Variants in MIPOL1 observed in about 807,000 individuals in gnomAD.
MIPOL1 encodes the protein mirror-image polydactyly gene 1 protein.
A neutral mutation model predicts 60.9 loss-of-function variants in MIPOL1; 57 were observed. That is an observed-to-expected ratio of 0.94 (90% CI 0.76 to 1.17). The LOEUF (loss-of-function observed/expected upper bound fraction) is 1.17, where lower values mean the gene tolerates loss of function less well. MIPOL1 is among the 50% of genes most tolerant of loss of function. The probability of loss-of-function intolerance (pLI) is 0.00; values close to 1 mark genes in which losing one functional copy is unlikely to be tolerated. For missense variants in MIPOL1, 551 were observed against 511.6 expected, an observed-to-expected ratio of 1.08 and a Z score of -0.74; for synonymous variants, 179 against 168.8, an observed-to-expected ratio of 1.06 and a Z score of -0.47.
At chr14:37,305,385 C>G (rs557240178) in intron 7 of MIPOL1, among the ~76,000 whole-genome samples, 1 of 151,896 alleles carries the variant, frequency 6.6e-6, no homozygotes, top group African/African-American at 2.4e-5. Context: ...GAAATTCAGC[C>G]TGCTACCTGT....
intron 12 of MIPOL1, among the ~76,000 whole-genome samples, chr14:37,514,596 T>C (rs923007773): frequency 6.6e-6 from 1 of 152,078 alleles, no homozygotes; most frequent in Non-Finnish European, 1.5e-5. Flanking sequence ...ATATAATGTA[T>C]CTACTGGTTA....
intron 11 of MIPOL1, among the ~76,000 whole-genome samples, chr14:37,476,463 G>T (rs1465179975): frequency 1.3e-5 from 2 of 152,040 alleles, no homozygotes; most frequent in Admixed American, 6.6e-5. Flanking sequence ...AGGACTTCTA[G>T]TGCGATGTTG....
chr14:37,426,594 T>TATATATATATATAC lies in MIPOL1; in HGVS notation c.1031+3646_1031+3647insTATATATATATACA, dbSNP rs1447990257. ...ACATATATATATATATATATATATATACACACACACATACATATATAATAT... is the reference window on the plus strand; with the variant it reads ...ACATATATATATATATATATATATATATATATATATATACACACACACACATACATATATAATAT... On this transcript the variant is annotated intron_variant, in intron 11 of 12. Coordinates refer to ENST00000684589, the MANE Select transcript of MIPOL1 (RefSeq NM_001388067.1). Among the ~76,000 whole-genome samples the TATATATATATATAC allele has an allele frequency of 5.1e-3, 634 of 125,328 alleles. 8 individuals carry two copies. Among genetic ancestry groups the TATATATATATATAC allele is most frequent in the East Asian group, 0.028 (118 of 4,216 alleles). The allele number at this position is 125,328 out of a possible 152,430, so 82.2% of individuals were successfully genotyped here.
At chr14:37,374,509 T>C (rs1369281422) in intron 10 of MIPOL1, among the ~76,000 whole-genome samples, 1 of 152,224 alleles carries the variant, frequency 6.6e-6, no homozygotes, top group African/African-American at 2.4e-5. Flanking sequence ...AGGATTTTTA[T>C]GGTGTTAGGT....
intron 10 of MIPOL1, among the ~76,000 whole-genome samples, chr14:37,383,112 C>T (rs1314313060): frequency 3.3e-5 from 5 of 151,682 alleles, no homozygotes; most frequent in African/African-American, 7.2e-5. Flanking sequence ...CAACCATAAT[C>T]GTATCTAAAT....
chr14:37,410,479 C>G (rs1318073681), intron 10 of MIPOL1, among the ~76,000 whole-genome samples: 1 of 152,020 alleles, frequency 6.6e-6, no homozygotes, highest in Non-Finnish European at 1.5e-5. Context: ...TGAATTTTTA[C>G]AATTTCAGAA....
chr14:37,391,394 G>C (rs1008108165), intron 10 of MIPOL1, among the ~76,000 whole-genome samples: 1 of 122,678 alleles, frequency 8.2e-6, no homozygotes, highest in South Asian at 2.9e-4. Flanking sequence ...ATCTAATGAA[G>C]CCTAATCTTT....
chr14:37,296,450 A>T (rs2085692867), intron 7 of MIPOL1, among the ~76,000 whole-genome samples: 1 of 152,230 alleles, frequency 6.6e-6, no homozygotes, highest in Non-Finnish European at 1.5e-5. Context: ...GAAATAACTA[A>T]GATCAGAGCA....
intron 10 of MIPOL1, among the ~76,000 whole-genome samples, chr14:37,417,156 C>T (rs1279234879): frequency 6.6e-6 from 1 of 152,138 alleles, no homozygotes; most frequent in Non-Finnish European, 1.5e-5. Flanking sequence ...GTTCCATAGA[C>T]TATGCTTTTA....
At chr14:37,287,563 A>T (rs561024119) in intron 7 of MIPOL1, among the ~76,000 whole-genome samples, 2 of 152,322 alleles carry the variant, frequency 1.3e-5, no homozygotes, top group South Asian at 4.1e-4. Flanking sequence ...CAAATCACTG[A>T]ATATTGAAAA....
intron 11 of MIPOL1, among the ~76,000 whole-genome samples, chr14:37,485,338 G>T (rs1410296957): frequency 1.3e-5 from 2 of 152,086 alleles, no homozygotes; most frequent in African/African-American, 4.8e-5. Flanking sequence ...AATCCTTTGG[G>T]TATATACCCA....
At chr14:37,280,397 C>T (rs1158164491) in intron 6 of MIPOL1, among the ~76,000 whole-genome samples, 6 of 152,084 alleles carry the variant, frequency 3.9e-5, no homozygotes, top group African/African-American at 1.2e-4. Flanking sequence ...AACCTCATAC[C>T]GTTTTCCAAA....
intron 11 of MIPOL1, among the ~76,000 whole-genome samples, chr14:37,467,383 CTT>C: frequency 6.6e-6 from 1 of 152,306 alleles, no homozygotes; most frequent in South Asian, 2.1e-4. Flanking sequence ...ATGATTAACA[CTT>C]CTCTATAATT....
At chr14:37,339,218 A>T (rs770810853) in intron 9 of MIPOL1, among the ~76,000 whole-genome samples, 3 of 152,240 alleles carry the variant, frequency 2.0e-5, no homozygotes, top group Non-Finnish European at 2.9e-5. Flanking sequence ...AAGATTCATT[A>T]TCAATTGTGA....
At chr14:37,356,470 G>T (rs1483750555) in intron 9 of MIPOL1, among the ~76,000 whole-genome samples, 1 of 152,176 alleles carries the variant, frequency 6.6e-6, no homozygotes, top group Non-Finnish European at 1.5e-5. Context: ...GTTTCCCTAA[G>T]CAAGCCTGGG....
chr14:37,203,004 A>C (rs967635129), intron 1 of MIPOL1, among the ~76,000 whole-genome samples: 5 of 152,222 alleles, frequency 3.3e-5, no homozygotes, highest in Non-Finnish European at 5.9e-5. Flanking sequence ...GGGGATGGGC[A>C]GATGACTCAC....
intron 1 of MIPOL1, chr14:37,212,136 C>T (rs1966858797): frequency 6.6e-6 from 1 of 152,164 alleles, no homozygotes; most frequent in Non-Finnish European, 1.5e-5. Flanking sequence ...AGACTCAGCA[C>T]ATTACCAGCT....
intron 9 of MIPOL1, among the ~76,000 whole-genome samples, chr14:37,332,086 C>T (rs191811311): frequency 7.9e-5 from 12 of 151,892 alleles, no homozygotes; most frequent in South Asian, 2.1e-4. Context: ...TGTAGTGAGC[C>T]GAGATCGTGC....
intron 11 of MIPOL1, among the ~76,000 whole-genome samples, chr14:37,429,187 A>C (rs2094017398): frequency 6.6e-6 from 1 of 152,286 alleles, no homozygotes; most frequent in Non-Finnish European, 1.5e-5. Flanking sequence ...TGCATTCCTA[A>C]GTTCAGGAGG....
Sources: gnomAD v4.1 joint callset for allele counts (sites outside exome capture counted in the v4.1 genomes callset) on GRCh38, gnomAD v4.1.1 for gene constraint, MANE v1.5 for transcripts, NCBI Gene and HGNC (gene_info 2026-07-23, HGNC 2026-07-21) for gene names.